Variants in NALF1 observed in about 807,000 individuals in gnomAD.
NALF1 encodes NALCN channel auxiliary factor 1.
A neutral mutation model predicts 48.4 loss-of-function variants in NALF1; 3 were observed. That is an observed-to-expected ratio of 0.06 (90% CI 0.03 to 0.16). The LOEUF (loss-of-function observed/expected upper bound fraction) is 0.16. Among genes scored for constraint, NALF1 ranks in the 10% least tolerant of loss-of-function variants. The pLI is 1.00. For synonymous variants in NALF1, 262 were observed against 245.7 expected, an observed-to-expected ratio of 1.07 and a Z score of -0.62; for missense variants, 526 against 571.5, an observed-to-expected ratio of 0.92 and a Z score of 0.81.
intron 1 of NALF1, among the ~76,000 whole-genome samples, chr13:107,445,831 A>C (rs1403564803): frequency 6.6e-6 from 1 of 151,936 alleles, no homozygotes; most frequent in Admixed American, 6.5e-5. Context: ...GGTGATGAGC[A>C]GAAAAAAATT....
At chr13:107,517,776 G>A (rs561613026) in intron 1 of NALF1, among the ~76,000 whole-genome samples, 57 of 152,054 alleles carry the variant, frequency 3.7e-4, no homozygotes, top group Non-Finnish European at 7.2e-4. Flanking sequence ...CCAATGTGGC[G>A]AAACCCTATC....
At chr13:107,289,664 C>A (rs1881575086) in intron 1 of NALF1, among the ~76,000 whole-genome samples, 1 of 152,110 alleles carries the variant, frequency 6.6e-6, no homozygotes, top group African/African-American at 2.4e-5. Context: ...AGGGAGTAGG[C>A]ATCTGAGTGT....
At chr13:107,631,795 T>C (rs1350614771) in intron 1 of NALF1, among the ~76,000 whole-genome samples, 2 of 152,138 alleles carry the variant, frequency 1.3e-5, no homozygotes, top group Non-Finnish European at 2.9e-5. Context: ...GCAGATTATA[T>C]ATATAGCCAG....
At position 107,812,473 on chromosome 13, in the gene NALF1, T is replaced by C. The variant is rs368515103; in HGVS notation, c.915+53209A>G. Among the ~76,000 whole-genome samples the C allele has an allele frequency of 5.3e-5, 8 of 152,276 alleles. No individual in the cohort carries two copies. The East Asian group carries it at 1.5e-3, about 29-fold the overall frequency. ...TGACATATTTTATCTTAGGTCTACT[T>C]AGCAATGTGATTTTTAGTCATGTCA... On this transcript the variant is annotated intron_variant, in intron 1 of 2. Coordinates refer to ENST00000375915, the MANE Select transcript of NALF1 (RefSeq NM_001080396.3).
intron 1 of NALF1, among the ~76,000 whole-genome samples, chr13:107,693,051 C>G (rs1469465389): frequency 6.6e-6 from 1 of 152,138 alleles, no homozygotes; most frequent in Non-Finnish European, 1.5e-5. Context: ...ATTTCTAGTT[C>G]TAGATCCTTG....
chr13:107,586,469 C>T (rs1045641680), intron 1 of NALF1, among the ~76,000 whole-genome samples: 5 of 151,846 alleles, frequency 3.3e-5, no homozygotes, highest in African/African-American at 1.2e-4. Flanking sequence ...TTTTAGAATA[C>T]CATTCTGTTA....
intron 1 of NALF1, among the ~76,000 whole-genome samples, chr13:107,665,751 T>C (rs1235313210): frequency 6.6e-6 from 1 of 152,042 alleles, no homozygotes; most frequent in African/African-American, 2.4e-5. Flanking sequence ...GGACACCGAA[T>C]AATATGAGGG....
chr13:107,682,341 G>C (rs909092917), intron 1 of NALF1, among the ~76,000 whole-genome samples: 3 of 152,128 alleles, frequency 2.0e-5, no homozygotes, highest in Non-Finnish European at 4.4e-5. Flanking sequence ...TCTCTGGCCC[G>C]CCTTGGGACT....
intron 1 of NALF1, among the ~76,000 whole-genome samples, chr13:107,485,170 G>A (rs923879703): frequency 1.3e-5 from 2 of 152,120 alleles, no homozygotes; most frequent in East Asian, 1.9e-4. Flanking sequence ...AATGATGAAG[G>A]CTCCAGAGCT....
chr13:107,518,129 G>GA (rs1424796505), intron 1 of NALF1, among the ~76,000 whole-genome samples: 2 of 152,224 alleles, frequency 1.3e-5, no homozygotes, highest in Non-Finnish European at 2.9e-5. Flanking sequence ...TCAAATATGG[G>GA]AGGATGGTAG....
chr13:107,181,989 T>G (rs1025411268), intron 2 of NALF1, among the ~76,000 whole-genome samples: 2 of 152,286 alleles, frequency 1.3e-5, no homozygotes, highest in East Asian at 3.9e-4. Flanking sequence ...TTTAATTTTT[T>G]AAATTTTTTT....
At position 107,818,165 on chromosome 13, in the gene NALF1, G is replaced by T. The variant is rs1272268337; in HGVS notation, c.915+47517C>A. The stretch of plus-strand genomic sequence containing the variant: ...CAAGCATTTTCTGACTAGGTCAAGT[G>T]CATTAATCTTAGGGGAACATCTTGA... On this transcript the variant is annotated intron_variant, in intron 1 of 2. Coordinates refer to ENST00000375915, the MANE Select transcript of NALF1 (RefSeq NM_001080396.3). Among the ~76,000 whole-genome samples the T allele has an allele frequency of 2.6e-5, 4 of 152,260 alleles. 1 individual carries two copies. The highest frequency in any genetic ancestry group is 3.4e-3 in the Middle Eastern group (1 of 294).
intron 1 of NALF1, among the ~76,000 whole-genome samples, chr13:107,735,582 A>T (rs1408050084): frequency 2.6e-4 from 39 of 152,224 alleles, no homozygotes; most frequent in Admixed American, 2.5e-3. Flanking sequence ...AAGTGGCAAG[A>T]AGTAAACAGA....
chr13:107,353,929 C>T (rs1275631694), intron 1 of NALF1, among the ~76,000 whole-genome samples: 2 of 152,134 alleles, frequency 1.3e-5, no homozygotes, highest in African/African-American at 2.4e-5. Context: ...GCACCTAGTA[C>T]ATGCCAGGAA....
intron 1 of NALF1, among the ~76,000 whole-genome samples, chr13:107,443,464 A>C (rs1431734509): frequency 6.6e-6 from 1 of 151,982 alleles, no homozygotes. Flanking sequence ...TGATCCACCC[A>C]CCTCGGCCTC....
At chr13:107,432,872 A>T (rs1248399596) in intron 1 of NALF1, among the ~76,000 whole-genome samples, 2 of 152,192 alleles carry the variant, frequency 1.3e-5, no homozygotes, top group Non-Finnish European at 2.9e-5. Context: ...AAGGTAAAAA[A>T]TAAACTTATA....
rs189535860 is a variant in NALF1, at chr13:107,766,558, G to A, written c.915+99124C>T. ...ATTTATTGTCTCAAATATCTGCTGC[G>A]TTAATGATCAATACATATTTAAGCA... is the stretch of plus-strand genomic sequence containing the variant. On this transcript the variant is annotated intron_variant, in intron 1 of 2. Transcript: ENST00000375915. Among the ~76,000 whole-genome samples the A allele has an allele frequency of 1.6e-4, 25 of 152,256 alleles. 1 individual carries two copies. In the East Asian group the frequency reaches 2.7e-3, roughly 16 times the overall value.
intron 1 of NALF1, among the ~76,000 whole-genome samples, chr13:107,403,724 A>T (rs557958502): frequency 4.6e-5 from 7 of 151,176 alleles, no homozygotes; most frequent in South Asian, 2.1e-4. Flanking sequence ...CACAAATTTT[A>T]AAAAAAAACT....
intron 1 of NALF1, among the ~76,000 whole-genome samples, chr13:107,412,733 T>C (rs1188792647): frequency 1.3e-5 from 2 of 152,162 alleles, no homozygotes; most frequent in African/African-American, 4.8e-5. Context: ...AATAGTATCG[T>C]ATCAAAAAAA....
Sources: allele counts gnomAD v4.1 joint callset (sites outside exome capture counted in the v4.1 genomes callset), GRCh38; gene constraint gnomAD v4.1.1; transcripts MANE v1.5; gene names NCBI Gene and HGNC (gene_info 2026-07-23, HGNC 2026-07-21).